SMARCC1: variants seen among roughly 807,000 people sequenced by gnomAD.
The protein encoded by SMARCC1 is SWI/SNF related BAF chromatin remodeling complex subunit C1, also known as SWI/SNF complex subunit SMARCC1.
In SMARCC1, 43 loss-of-function variants were observed where a neutral mutation model predicts 147.4. The observed-to-expected ratio is 0.29, with a 90% confidence interval of 0.23 to 0.38. The LOEUF (loss-of-function observed/expected upper bound fraction) is 0.38. Among genes scored for constraint, SMARCC1 ranks in the 10% least tolerant of loss-of-function variants. SMARCC1 has a pLI of 1.00. For missense variants in SMARCC1, 1,119 were observed against 1,381.1 expected, an observed-to-expected ratio of 0.81 and a Z score of 3.01; for synonymous variants, 495 against 484.4, an observed-to-expected ratio of 1.02 and a Z score of -0.29.
At chr3:47,708,083 CTTTTTTTTTTTTT>C (rs915291740) in intron 9 of SMARCC1, among the ~76,000 whole-genome samples, 25 of 64,268 alleles carry the variant, frequency 3.9e-4, no homozygotes, top group African/African-American at 1.1e-3. Context: ...AATTTTTTTT[CTTTTTTTTTTTTT>C]TTTTTTTTTT....
chr3:47,651,079 C>G (rs2033183714), intron 21 of SMARCC1, among the ~76,000 whole-genome samples: 4 of 152,076 alleles, frequency 2.6e-5, no homozygotes, highest in African/African-American at 9.7e-5. Flanking sequence ...CTAAGGCAGG[C>G]AGATTGCTGG....
chr3:47,608,562 G>T (rs2032514111), intron 26 of SMARCC1, among the ~76,000 whole-genome samples: 1 of 152,106 alleles, frequency 6.6e-6, no homozygotes, highest in Non-Finnish European at 1.5e-5. Flanking sequence ...AGTGAATCTT[G>T]TCTGGGTGTG....
At chr3:47,770,926 T>A (rs1369873823) in intron 2 of SMARCC1, among the ~76,000 whole-genome samples, 7 of 152,176 alleles carry the variant, frequency 4.6e-5, no homozygotes, top group South Asian at 2.1e-4. Context: ...TTATTTATTT[T>A]TTTGAGATGG....
At chr3:47,690,095 T>C (rs1288623272) in intron 12 of SMARCC1, among the ~76,000 whole-genome samples, 1 of 152,058 alleles carries the variant, frequency 6.6e-6, no homozygotes, top group Non-Finnish European at 1.5e-5. Flanking sequence ...GCAGTGCACA[T>C]CTACAGTCCC....
chr3:47,779,501 G>A (rs1276473654), intron 1 of SMARCC1, among the ~76,000 whole-genome samples: 3 of 152,162 alleles, frequency 2.0e-5, no homozygotes, highest in Admixed American at 2.0e-4. Context: ...CTCAATCTCA[G>A]TAGACCCTAG....
chr3:47,605,272 A>G (rs945339478), intron 26 of SMARCC1, among the ~76,000 whole-genome samples: 1 of 152,244 alleles, frequency 6.6e-6, no homozygotes, highest in African/African-American at 2.4e-5. Context: ...AAATGTACAT[A>G]TATGTCTTAT....
At chr3:47,609,916 TA>T in intron 26 of SMARCC1, 149 bp downstream of exon 26, 1 of 831,306 alleles carries the variant, frequency 1.2e-6, no homozygotes, top group African/African-American at 1.7e-5. Flanking sequence ...GCGATAACCC[TA>T]AATCTCACAT....
intron 2 of SMARCC1, among the ~76,000 whole-genome samples, chr3:47,771,615 A>G (rs1432855138): frequency 6.6e-6 from 1 of 151,890 alleles, no homozygotes; most frequent in Non-Finnish European, 1.5e-5. Flanking sequence ...TGGGTGGTGC[A>G]TGCCTGTAGT....
chr3:47,780,693 A>G (rs780237674), intron 1 of SMARCC1, among the ~76,000 whole-genome samples: 3 of 152,210 alleles, frequency 2.0e-5, no homozygotes, highest in African/African-American at 4.8e-5. Context: ...CTTCAGTGCT[A>G]TGATTCTCAA....
intron 9 of SMARCC1, among the ~76,000 whole-genome samples, chr3:47,707,568 A>G (rs553109397): frequency 6.6e-5 from 10 of 152,210 alleles, no homozygotes; most frequent in African/African-American, 2.2e-4. Context: ...ATAAGTAAAT[A>G]ATCTAAAATT....
At position 47,633,777 on chromosome 3, in the gene SMARCC1, TATACACACACAC is replaced by T. The variant is rs2032929742; in HGVS notation, c.2646+1401_2646+1412del. Among the ~76,000 whole-genome samples the T allele has an allele frequency of 4.1e-4, 19 of 46,522 alleles. 1 individual carries two copies. The highest frequency in any genetic ancestry group is 1.5e-3 in the African/African-American group (18 of 11,662). The allele number at this position is 46,522 out of a possible 152,430, so 30.5% of individuals were successfully genotyped here. A position where few individuals can be genotyped will look rare whatever the true frequency, so the allele number is the denominator to read the frequency against. ...AAAAAAAAAAAAATATATATATATA[TATACACACACAC>T]ACACACACACACACACACACACACA... On this transcript the variant is annotated intron_variant, in intron 24 of 27. Transcript: ENST00000254480.
intron 21 of SMARCC1, among the ~76,000 whole-genome samples, chr3:47,645,377 A>G (rs1325903059): frequency 6.6e-6 from 1 of 152,130 alleles, no homozygotes; most frequent in African/African-American, 2.4e-5. Context: ...TAAAGGTTCA[A>G]TCTTCTTAAA....
At chr3:47,697,251 G>GTATC (rs1306962737) in intron 11 of SMARCC1, among the ~76,000 whole-genome samples, 1 of 151,728 alleles carries the variant, frequency 6.6e-6, no homozygotes, top group Non-Finnish European at 1.5e-5. Context: ...TGAGCAGCAA[G>GTATC]ACGTGACTGC....
At chr3:47,660,378 A>T (rs1046442034) in intron 21 of SMARCC1, among the ~76,000 whole-genome samples, 3 of 147,834 alleles carry the variant, frequency 2.0e-5, no homozygotes, top group African/African-American at 7.5e-5. Context: ...CCAGGGAGGC[A>T]GAGCTTGCAG....
chr3:47,679,212 CAAAA>C (rs577481119), intron 15 of SMARCC1, among the ~76,000 whole-genome samples: 2 of 93,480 alleles, frequency 2.1e-5, no homozygotes. Context: ...GACTTTGTCT[CAAAA>C]AAAAAAAAAA....
chr3:47,598,592 G>A (rs1390898644), intron 26 of SMARCC1, among the ~76,000 whole-genome samples: 2 of 152,044 alleles, frequency 1.3e-5, no homozygotes, highest in South Asian at 2.1e-4. Flanking sequence ...TACTTTGGGA[G>A]GCTGAGGTGG....
intron 20 of SMARCC1, 39 bp from the exon 21 acceptor site, chr3:47,661,494 G>C (rs1213163259): frequency 6.4e-7 from 1 of 1,564,420 alleles, no homozygotes; most frequent in Non-Finnish European, 8.6e-7. Flanking sequence ...ATCTAACTTT[G>C]CACAAAAATT....
intron 18 of SMARCC1, among the ~76,000 whole-genome samples, chr3:47,671,333 C>T (rs771100904): frequency 1.3e-5 from 2 of 152,098 alleles, no homozygotes; most frequent in Non-Finnish European, 2.9e-5. Flanking sequence ...TGTTTTACTG[C>T]ATACCATAAA....
intron 7 of SMARCC1, among the ~76,000 whole-genome samples, chr3:47,720,070 A>G (rs2034212078): frequency 6.6e-6 from 1 of 151,542 alleles, no homozygotes; most frequent in Non-Finnish European, 1.5e-5. Flanking sequence ...AATATAAATT[A>G]GCAACCTAAT....
Sources: gnomAD v4.1 joint callset for allele counts (sites outside exome capture counted in the v4.1 genomes callset) on GRCh38, gnomAD v4.1.1 for gene constraint, MANE v1.5 for transcripts, NCBI Gene and HGNC (gene_info 2026-07-23, HGNC 2026-07-21) for gene names.